STAU2: variants seen among roughly 807,000 people sequenced by gnomAD.
STAU2 encodes the protein double-stranded RNA-binding protein Staufen homolog 2.
A neutral mutation model predicts 65.9 loss-of-function variants in STAU2; 20 were observed. That is an observed-to-expected ratio of 0.30 (90% confidence interval 0.21 to 0.44). STAU2 has a LOEUF of 0.44. Among genes scored for constraint, STAU2 ranks in the 20% least tolerant of loss-of-function variants. The pLI is 1.00. For synonymous variants in STAU2, 232 were observed against 233.9 expected (o/e 0.99, Z 0.07); for missense variants, 558 against 683.9 (o/e 0.82, Z 2.05).
chr8:73,643,523 T>C (rs947154567), intron 6 of STAU2, among the ~76,000 whole-genome samples: 1 of 152,176 alleles, frequency 6.6e-6, no homozygotes, highest in Non-Finnish European at 1.5e-5. Flanking sequence ...AATAGTATAA[T>C]AGCTTCGAGC....
intron 13 of STAU2, among the ~76,000 whole-genome samples, chr8:73,493,936 G>A (rs913063459): frequency 2.0e-5 from 3 of 151,774 alleles, no homozygotes; most frequent in African/African-American, 7.3e-5. Flanking sequence ...ACAGAACAGG[G>A]CTGAATGTCA....
At chr8:73,677,249 G>A (rs1269892987) in intron 5 of STAU2, among the ~76,000 whole-genome samples, 1 of 152,132 alleles carries the variant, frequency 6.6e-6, no homozygotes, top group Non-Finnish European at 1.5e-5. Context: ...TGAGGATGTG[G>A]ACAGCTCTCA....
At chr8:73,690,156 A>ATCCCTACT (rs1819224367) in intron 4 of STAU2, among the ~76,000 whole-genome samples, 1 of 151,800 alleles carries the variant, frequency 6.6e-6, no homozygotes, top group Non-Finnish European at 1.5e-5. Context: ...GTGAATCCCC[A>ATCCCTACT]TCCCTACTAA....
At chr8:73,467,404 C>T (rs566578495) in intron 13 of STAU2, among the ~76,000 whole-genome samples, 5 of 152,108 alleles carry the variant, frequency 3.3e-5, no homozygotes, top group Admixed American at 3.3e-4. Context: ...TGGTGGCGGG[C>T]GCCTGTAGTC....
At chr8:73,465,160 A>G (rs989148860) in intron 13 of STAU2, among the ~76,000 whole-genome samples, 5 of 152,212 alleles carry the variant, frequency 3.3e-5, no homozygotes, top group Non-Finnish European at 7.3e-5. Flanking sequence ...CCCGGCCCAC[A>G]CTGACAGCTG....
At chr8:73,529,773 G>A (rs1457954243) in intron 13 of STAU2, among the ~76,000 whole-genome samples, 1 of 152,102 alleles carries the variant, frequency 6.6e-6, no homozygotes, top group Non-Finnish European at 1.5e-5. Context: ...AAATGTAAAG[G>A]TGCAAGTTAG....
chr8:73,555,331 G>A (rs1031930791), intron 12 of STAU2, among the ~76,000 whole-genome samples: 1 of 28,396 alleles, frequency 3.5e-5, no homozygotes, highest in African/African-American at 9.8e-5. Flanking sequence ...TATCACAAGA[G>A]CATACAGAGT....
At chr8:73,726,007 G>A (rs945347792) in intron 3 of STAU2, among the ~76,000 whole-genome samples, 1 of 135,322 alleles carries the variant, frequency 7.4e-6, no homozygotes, top group Non-Finnish European at 1.6e-5. Context: ...TGCGTGGTTA[G>A]GTTTTTTTTT....
chr8:73,669,026 T>C (rs1722061881), intron 6 of STAU2: 1 of 678,618 alleles, frequency 1.5e-6, no homozygotes, highest in Admixed American at 2.1e-5. Flanking sequence ...AAGAAGCTAA[T>C]GATTAATCTG....
intron 12 of STAU2, among the ~76,000 whole-genome samples, chr8:73,552,607 G>A (rs1807418216): frequency 6.6e-6 from 1 of 152,166 alleles, no homozygotes; most frequent in African/African-American, 2.4e-5. Flanking sequence ...AACTGAATGT[G>A]TGGAAGTATA....
At chr8:73,650,445 A>C (rs1056331975) in intron 6 of STAU2, among the ~76,000 whole-genome samples, 3 of 152,152 alleles carry the variant, frequency 2.0e-5, no homozygotes, top group Admixed American at 6.5e-5. Context: ...GGATGTAGGT[A>C]TGTATTTATA....
chr8:73,463,232 A>G (rs1231589147), intron 13 of STAU2, among the ~76,000 whole-genome samples: 1 of 152,240 alleles, frequency 6.6e-6, no homozygotes, highest in Non-Finnish European at 1.5e-5. Flanking sequence ...GAAAATGGCC[A>G]TAGACCTTGT....
chr8:73,657,367 T>C (rs1048953020), intron 6 of STAU2, among the ~76,000 whole-genome samples: 1 of 152,168 alleles, frequency 6.6e-6, no homozygotes, highest in African/African-American at 2.4e-5. Flanking sequence ...AGGGCCCTTC[T>C]ACTTGAAAAA....
At chr8:73,509,782 T>G (rs1182024928) in intron 13 of STAU2, among the ~76,000 whole-genome samples, 1 of 152,110 alleles carries the variant, frequency 6.6e-6, no homozygotes, top group Non-Finnish European at 1.5e-5. Context: ...GGAATTATAG[T>G]AAAGAACAGT....
chr8:73,643,580 A>G lies in STAU2; in HGVS notation c.411-26129T>C, dbSNP rs550207531. On this transcript the variant is annotated intron_variant, in intron 6 of 14. Transcript: ENST00000524300. Reference sequence around the variant, plus strand: ...GAAGAGGTCCTTATGGCCTCTGACAATATCAATTTAAAAACAGGAGGTCCA... The same window carrying G: ...GAAGAGGTCCTTATGGCCTCTGACAGTATCAATTTAAAAACAGGAGGTCCA... Among the ~76,000 whole-genome samples, 6 of 152,326 alleles carry G rather than the reference A, an allele frequency of 3.9e-5. No homozygotes were observed. The East Asian group carries it at 1.2e-3, about 29-fold the overall frequency.
chr8:73,438,837 C>T (rs1015898987), intron 13 of STAU2: 26 of 406,532 alleles, frequency 6.4e-5, no homozygotes, highest in Admixed American at 1.9e-4. Context: ...AAATTTGCAA[C>T]GTGAGAAGGG....
intron 3 of STAU2, among the ~76,000 whole-genome samples, chr8:73,721,033 A>C (rs1292002257): frequency 6.8e-6 from 1 of 146,998 alleles, no homozygotes; most frequent in Non-Finnish European, 1.5e-5. Context: ...CAATCCTAGG[A>C]GTTTGGGAGG....
chr8:73,425,652 C>T (rs780922665), intron 13 of STAU2, among the ~76,000 whole-genome samples: 10 of 152,114 alleles, frequency 6.6e-5, no homozygotes, highest in Non-Finnish European at 1.5e-4. Flanking sequence ...CTCTCTCTCC[C>T]TGTATTATTT....
intron 12 of STAU2, among the ~76,000 whole-genome samples, chr8:73,571,914 A>G (rs901174311): frequency 6.6e-6 from 1 of 152,214 alleles, no homozygotes; most frequent in African/African-American, 2.4e-5. Context: ...GAACTAAGGG[A>G]GATAGAGACA....
Sources: gnomAD v4.1 joint callset for allele counts (sites outside exome capture counted in the v4.1 genomes callset) on GRCh38, gnomAD v4.1.1 for gene constraint, MANE v1.5 for transcripts, NCBI Gene and HGNC (gene_info 2026-07-23, HGNC 2026-07-21) for gene names.